CCDC126: variants seen among roughly 807,000 people sequenced by gnomAD.
CCDC126 encodes coiled-coil domain containing 126, also known as coiled-coil domain-containing protein 126.
CCDC126 carries 5 observed loss-of-function variants against 11.7 expected under a neutral mutation model. The ratio of observed to expected loss-of-function variants is 0.43; its 90% confidence interval spans 0.22 to 0.90. CCDC126 has a LOEUF of 0.90. Ranked by LOEUF, CCDC126 falls within the 40% of genes least tolerant of loss-of-function variation. The pLI, the probability that CCDC126 is intolerant of heterozygous loss-of-function variation, is 0.27. For missense variants in CCDC126, 150 were observed against 163.1 expected, an observed-to-expected ratio of 0.92 and a Z score of 0.44; for synonymous variants, 60 against 61.9, an observed-to-expected ratio of 0.97 and a Z score of 0.14.
chr7:23,623,292 A>G (rs1265630916), intron 3 of CCDC126, among the ~76,000 whole-genome samples: 2 of 151,876 alleles, frequency 1.3e-5, no homozygotes, highest in Non-Finnish European at 2.9e-5. Flanking sequence ...TTTGGAATTG[A>G]TATTTTGTCT....
At chr7:23,620,843 C>T (rs1340147810) in intron 3 of CCDC126, among the ~76,000 whole-genome samples, 2 of 152,122 alleles carry the variant, frequency 1.3e-5, no homozygotes, top group Non-Finnish European at 2.9e-5. Flanking sequence ...GGAATCCTTT[C>T]CCCATTGCTT....
chr7:23,631,742 CAGAG>C (rs1279378354), intron 3 of CCDC126, among the ~76,000 whole-genome samples: 1 of 151,086 alleles, frequency 6.6e-6, no homozygotes, highest in Non-Finnish European at 1.5e-5. Flanking sequence ...GCCTGGGTGA[CAGAG>C]GGAGACCCTG....
chr7:23,598,719 T>C (rs1419667290), intron 2 of CCDC126, among the ~76,000 whole-genome samples: 2 of 152,244 alleles, frequency 1.3e-5, no homozygotes, highest in Non-Finnish European at 2.9e-5. Context: ...CTCTAAAATG[T>C]GTTGCAAAAA....
intron 3 of CCDC126, among the ~76,000 whole-genome samples, chr7:23,614,346 G>A (rs1337868816): frequency 6.6e-6 from 1 of 152,128 alleles, no homozygotes; most frequent in South Asian, 2.1e-4. Flanking sequence ...CTCCTCATCT[G>A]TTCAAGTCTT....
At chr7:23,619,100 C>T (rs1234958183) in intron 3 of CCDC126, among the ~76,000 whole-genome samples, 1 of 152,122 alleles carries the variant, frequency 6.6e-6, no homozygotes, top group Non-Finnish European at 1.5e-5. Context: ...TAAACCCAGG[C>T]CCTCAACTGC....
chr7:23,612,247 A>G (rs1782724137), intron 3 of CCDC126, among the ~76,000 whole-genome samples: 1 of 151,888 alleles, frequency 6.6e-6, no homozygotes, highest in East Asian at 1.9e-4. Context: ...GCTGGAGCCC[A>G]GGAGTTTGAG....
intron 3 of CCDC126, among the ~76,000 whole-genome samples, chr7:23,638,185 CTG>C (rs1364189439): frequency 6.6e-6 from 1 of 151,930 alleles, no homozygotes; most frequent in Admixed American, 6.5e-5. Flanking sequence ...AGGAGCCCCT[CTG>C]CCCGGCCACG....
intron 3 of CCDC126, among the ~76,000 whole-genome samples, chr7:23,614,574 A>C (rs1431559670): frequency 6.6e-6 from 1 of 152,176 alleles, no homozygotes; most frequent in Non-Finnish European, 1.5e-5. Flanking sequence ...CCTTTCCAGA[A>C]GGCTTTCAGT....
chr7:23,632,842 C>T (rs567456384), intron 3 of CCDC126, among the ~76,000 whole-genome samples: 3 of 152,226 alleles, frequency 2.0e-5, no homozygotes, highest in East Asian at 1.9e-4. Context: ...ATATTTAAGA[C>T]GTAGTCTATT....
At chr7:23,637,619 C>T (rs1584218992) in intron 3 of CCDC126, among the ~76,000 whole-genome samples, 1 of 7,448 alleles carries the variant, frequency 1.3e-4, no homozygotes, top group South Asian at 3.8e-3. Flanking sequence ...GTGAGGAGCT[C>T]CTCTGCCCGG....
chr7:23,632,229 G>T (rs1444263861), intron 3 of CCDC126, among the ~76,000 whole-genome samples: 1 of 152,032 alleles, frequency 6.6e-6, no homozygotes, highest in Non-Finnish European at 1.5e-5. Context: ...AAGTAGCTTG[G>T]ATTACAAGGT....
intron 2 of CCDC126, among the ~76,000 whole-genome samples, chr7:23,610,952 A>G (rs1167156514): frequency 6.6e-6 from 1 of 152,124 alleles, no homozygotes; most frequent in East Asian, 1.9e-4. Context: ...GCATTTTTTC[A>G]GTTATTTTCA....
intron 3 of CCDC126, among the ~76,000 whole-genome samples, chr7:23,611,940 G>A (rs1164552342): frequency 6.6e-6 from 1 of 152,018 alleles, no homozygotes; most frequent in East Asian, 1.9e-4. Context: ...TCAGGAAATC[G>A]AGACCATCCT....
intron 3 of CCDC126, among the ~76,000 whole-genome samples, chr7:23,638,860 T>TAAAA: frequency 3.0e-5 from 1 of 32,910 alleles, no homozygotes; most frequent in African/African-American, 1.2e-4. Flanking sequence ...AATAATAAAT[T>TAAAA]AACAAAAAAA....
intron 3 of CCDC126, among the ~76,000 whole-genome samples, chr7:23,630,029 T>C (rs2128020187): frequency 6.6e-6 from 1 of 152,148 alleles, no homozygotes; most frequent in East Asian, 1.9e-4. Flanking sequence ...CAAGACAACA[T>C]AATAATTAAA....
chr7:23,637,795 CGG>C (rs1562499704), intron 3 of CCDC126, among the ~76,000 whole-genome samples: 1 of 41,568 alleles, frequency 2.4e-5, no homozygotes, highest in Non-Finnish European at 5.0e-5. Flanking sequence ...GGGAGGGAGG[CGG>C]GGAGGGGGGG....
intron 3 of CCDC126, among the ~76,000 whole-genome samples, chr7:23,625,810 C>A (rs931188443): frequency 2.6e-5 from 4 of 151,802 alleles, no homozygotes; most frequent in Admixed American, 2.0e-4. Context: ...CGCCCGCCAC[C>A]ACGCCCAGCT....
At chr7:23,638,727 TAAAAAAAAAAA>T (rs70954398) in intron 3 of CCDC126, among the ~76,000 whole-genome samples, 1 of 89,670 alleles carries the variant, frequency 1.1e-5, no homozygotes, top group Non-Finnish European at 2.2e-5. Flanking sequence ...AAAAAAAAAT[TAAAAAAAAAAA>T]AAAAAAAACC....
Position 23,642,950 on chromosome 7 carries a change from T to C in CCDC126, c.258T>C (p.Ile86=), listed in dbSNP as rs150112348. 1,054 of 1,613,934 alleles carry C rather than the reference T, an allele frequency of 6.5e-4. No homozygotes were observed. The highest frequency in any genetic ancestry group is 2.8e-3 in the Middle Eastern group (17 of 6,058). The part of the protein sequence containing the change: ...MAGYADLKRT[I]AVLLDDILQR... ...CCCTAGCGGATCTGAAAAGAACAAT[T>C]GCTGTCCTTCTGGATGACATTTTGC... Residue 86 remains isoleucine, a synonymous_variant, in exon 4 of 4, where the codon ATT becomes ATC. Coordinates refer to ENST00000307471, the MANE Select transcript of CCDC126 (RefSeq NM_138771.4).
Sources: allele counts gnomAD v4.1 joint callset (sites outside exome capture counted in the v4.1 genomes callset), GRCh38; gene constraint gnomAD v4.1.1; transcripts MANE v1.5; gene names NCBI Gene and HGNC (gene_info 2026-07-23, HGNC 2026-07-21).